The following EIF3G variants were observed in gnomAD, a reference collection of about 807,000 sequenced individuals.
EIF3G encodes eukaryotic translation initiation factor 3 subunit G, also known as eukaryotic translation initiation factor 3 RNA-binding subunit.
EIF3G carries 10 observed loss-of-function variants against 41.7 expected under a neutral mutation model. The ratio of observed to expected loss-of-function variants is 0.24; its 90% CI spans 0.15 to 0.41. The LOEUF (loss-of-function observed/expected upper bound fraction) is 0.41, where lower values mean the gene tolerates loss of function less well. EIF3G is among the 10% of genes least tolerant of loss of function. EIF3G has a pLI of 1.00. For synonymous variants in EIF3G, 204 were observed against 172.5 expected (o/e 1.18, Z -1.43); for missense variants, 297 against 444.0 (o/e 0.67, Z 2.98).
chr19:10,119,575 A>G (rs759361837), intron 2 of EIF3G, 79 bp downstream of exon 2: 1 of 1,507,072 alleles, frequency 6.6e-7, no homozygotes, highest in Non-Finnish European at 9.0e-7. Flanking sequence ...ACACGGTGCC[A>G]GACTGGGAGA....
Position 10,116,100 on chromosome 19 carries a change from C to T in EIF3G, c.596-26G>A. 6.2e-7 allele frequency: 1 copy of T among 1,607,282 alleles called. No individual in the cohort carries two copies. Among genetic ancestry groups the T allele is most frequent in the South Asian group, 1.1e-5 (1 of 90,390 alleles). ...CTGGGGACCAAAAGACAGTCAAGTTCAACCTCACTGTGGCGCAGGCGTGGG... is the reference window on the plus strand; with the variant it reads ...CTGGGGACCAAAAGACAGTCAAGTTTAACCTCACTGTGGCGCAGGCGTGGG... On this transcript the variant is annotated intron_variant, in intron 7 of 10. Coordinates refer to ENST00000253108, the MANE Select transcript of EIF3G (RefSeq NM_003755.5). The surrounding 1 kb of genome is among the most constrained non-coding windows in gnomAD (Gnocchi z 4.1).
chr19:10,115,353 G>C (rs768764504), intron 10 of EIF3G, 126 bp downstream of exon 10: 3 of 1,219,814 alleles, frequency 2.5e-6, no homozygotes, highest in African/African-American at 3.0e-5. Context: ...AAACAATAAA[G>C]GACTGTCCCC....
chr19:10,116,766 G>A lies in EIF3G; in HGVS notation c.595+34C>T, dbSNP rs745548190. 2.1e-5 allele frequency: 32 copies of A among 1,536,968 alleles called. No homozygotes were observed. In the East Asian group the frequency reaches 2.3e-4, roughly 11 times the overall value. ...GAAGGCAGCAGTGGGGACAGAACCC[G>A]TGCACTGACAGCAGGACCCTCCCAC... On this transcript the variant is annotated intron_variant, in intron 7 of 10. Transcript: ENST00000253108. The surrounding 1 kb of genome is among the most constrained non-coding windows in gnomAD (Gnocchi z 4.1).
At position 10,118,664 on chromosome 19, in the gene EIF3G, T is replaced by C; in HGVS notation, c.300+4A>G. The C allele has an allele frequency of 6.2e-7, 1 of 1,611,708 alleles. No homozygotes were observed. Among genetic ancestry groups the C allele is most frequent in the Non-Finnish European group, 8.5e-7 (1 of 1,178,926 alleles). On this transcript the variant is annotated splice_donor_region_variant and intron_variant, in intron 5 of 10. Transcript: ENST00000253108. ...AGGTTAGCCCTGGGGAAGAAGAGCC[T>C]CACCTTCCTCCTTGCGACAGCCTTT... is the stretch of plus-strand genomic sequence containing the variant.
intron 10 of EIF3G, 72 bp from the exon 11 acceptor site, chr19:10,115,201 C>T (rs2089219695): frequency 1.9e-6 from 3 of 1,584,864 alleles, no homozygotes; most frequent in Non-Finnish European, 2.6e-6. Flanking sequence ...CAAGTGGCAT[C>T]TTGGGGGTGG....
rs2089265497 is a variant in EIF3G, at chr19:10,117,160, A to C, written c.329T>G (p.Phe110Cys). 6.2e-7 allele frequency: 1 copy of C among 1,612,692 alleles called. No individual in the cohort carries two copies. The highest frequency in any genetic ancestry group is 1.1e-5 in the South Asian group (1 of 90,930). ...GGCCACATTGGGTCCGGGGGGGTCA[A>C]ACTCTGAGTTCCCGAACTTCTTCCA... is the stretch of plus-strand genomic sequence containing the variant. ...KNWKKFGNSE[F>C]DPPGPNVATT... is the part of the protein sequence containing the mutation. The change falls in exon 6 of 11, where the codon TTT becomes TGT. Residue 110 changes from phenylalanine (F) to cysteine (C), a missense_variant. This residue lies in a region of EIF3G where 147 missense variants were observed against 162.4 expected (regional missense o/e 0.91). Coordinates refer to ENST00000253108, the MANE Select transcript of EIF3G (RefSeq NM_003755.5).
Position 10,119,073 on chromosome 19 carries a change from G to A in EIF3G, c.151+15C>T. On this transcript the variant is annotated intron_variant, in intron 3 of 10. Coordinates refer to ENST00000253108, the MANE Select transcript of EIF3G (RefSeq NM_003755.5). ...AGTGGCAGTCCTCACTCACCTCCCG[G>A]CAGTCCTCACTCACCTCCCGGCAGT... 1 of 1,584,118 alleles carries A rather than the reference G, an allele frequency of 6.3e-7. No individual in the cohort carries two copies. The highest frequency in any genetic ancestry group is 8.6e-7 in the Non-Finnish European group (1 of 1,163,498).
chr19:10,117,508 G>A (rs932681290), intron 5 of EIF3G: 12 of 288,136 alleles, frequency 4.2e-5, no homozygotes, highest in African/African-American at 1.1e-4. Flanking sequence ...CTAGACCTCC[G>A]GGCCCTTGAG....
At position 10,118,859 on chromosome 19, in the gene EIF3G, CA is replaced by C. The variant is rs1351892409; in HGVS notation, c.240+8del. The C allele has an allele frequency of 1.2e-6, 2 of 1,613,664 alleles. No homozygotes were observed. The highest frequency in any genetic ancestry group is 4.5e-5 in the East Asian group (2 of 44,878). ...AAGGGTCCCCACTCCCTGCACCCCCCACCCTCACCTTGAACTTCTTGCCATC... is the reference window on the plus strand; with the variant it reads ...AAGGGTCCCCACTCCCTGCACCCCCCCCCTCACCTTGAACTTCTTGCCATC... On this transcript the variant is annotated splice_region_variant and intron_variant, in intron 4 of 10. Coordinates refer to ENST00000253108, the MANE Select transcript of EIF3G (RefSeq NM_003755.5).
intron 10 of EIF3G, 154 bp from the exon 11 acceptor site, chr19:10,115,283 C>T (rs2089221969): frequency 8.6e-7 from 1 of 1,159,158 alleles, no homozygotes; most frequent in African/African-American, 1.5e-5. Flanking sequence ...AGGCCTGGTC[C>T]ACGGACTGGC....
At position 10,116,285 on chromosome 19, in the gene EIF3G, A is replaced by G; in HGVS notation, c.596-211T>C. 1 of 602,544 alleles carries G rather than the reference A, an allele frequency of 1.7e-6. No homozygotes were observed. The highest frequency in any genetic ancestry group is 2.9e-6 in the Non-Finnish European group (1 of 340,300). 37.3% of individuals were successfully genotyped at this position (602,544 alleles called of 1,614,324 possible). On this transcript the variant is annotated intron_variant, in intron 7 of 10. Coordinates refer to ENST00000253108, the MANE Select transcript of EIF3G (RefSeq NM_003755.5). The surrounding 1 kb of genome is among the most constrained non-coding windows in gnomAD (Gnocchi z 4.1). The stretch of plus-strand genomic sequence containing the variant: ...CCAGCGACACTGGTGGAGGAGGAGG[A>G]GGAGGAGCCCCGACCCCACCCCAGA...
intron 5 of EIF3G, chr19:10,117,545 C>T: frequency 4.1e-6 from 1 of 245,408 alleles, no homozygotes; most frequent in Non-Finnish European, 7.8e-6. Context: ...TCAGCTTCCT[C>T]CCTTATAAAA....
chr19:10,119,509 G>T, intron 2 of EIF3G, 145 bp downstream of exon 2: 1 of 1,064,262 alleles, frequency 9.4e-7, no homozygotes, highest in East Asian at 2.6e-5. Flanking sequence ...CCTGGAGTTG[G>T]CAACAGGCGG....
chr19:10,115,389 A>C, intron 10 of EIF3G, 90 bp downstream of exon 10: 9 of 1,421,370 alleles, frequency 6.3e-6, no homozygotes, highest in Non-Finnish European at 7.7e-6. Context: ...GGACTGTTAA[A>C]TTGGCTCAGG....
In EIF3G at chr19:10,116,462, A is replaced by G. The variant is rs1396020121; in HGVS notation, c.595+338T>C. Reference sequence around the variant, plus strand: ...CACTCGCCACCAGCAAATCCCACCAAAGAATTCGGACGGTACAGCCACAGG... The same window carrying G: ...CACTCGCCACCAGCAAATCCCACCAGAGAATTCGGACGGTACAGCCACAGG... On this transcript the variant is annotated intron_variant, in intron 7 of 10. Coordinates refer to ENST00000253108, the MANE Select transcript of EIF3G (RefSeq NM_003755.5). The surrounding 1 kb of genome is among the most constrained non-coding windows in gnomAD (Gnocchi z 4.1). The G allele has an allele frequency of 1.1e-5, 5 of 473,210 alleles. No individual in the cohort carries two copies. The highest frequency in any genetic ancestry group is 1.9e-5 in the Non-Finnish European group (5 of 262,502). The allele number at this position is 473,210 out of a possible 1,614,324, so 29.3% of individuals were successfully genotyped here.
rs144308529 is a variant in EIF3G at position 10,115,765 on chromosome 19, G to C, written c.759C>G (p.Thr253=). 1 of 1,614,108 alleles carries C rather than the reference G, an allele frequency of 6.2e-7. No homozygotes were observed. The highest frequency in any genetic ancestry group is 8.5e-7 in the Non-Finnish European group (1 of 1,180,032). The part of the protein sequence containing the change: ...VTNLSEDTRE[T]DLQELFRPFG... Reference sequence around the variant, plus strand: ...AAGGCCGGAAGAGCTCCTGCAGGTCGGTCTCACGCGTGTCCTCTGACAAGT... The same window carrying C: ...AAGGCCGGAAGAGCTCCTGCAGGTCCGTCTCACGCGTGTCCTCTGACAAGT... Residue 253 remains threonine, a synonymous_variant, in exon 9 of 11, where the codon ACC becomes ACG. Coordinates refer to ENST00000253108, the MANE Select transcript of EIF3G (RefSeq NM_003755.5).
intron 2 of EIF3G, chr19:10,119,417 G>A (rs930129471): frequency 4.0e-6 from 3 of 747,982 alleles, no homozygotes; most frequent in African/African-American, 3.4e-5. Context: ...AGAAACAGGA[G>A]ACGGGAGATT....
At position 10,116,997 on chromosome 19, in the gene EIF3G, G is replaced by A. The variant is rs1045318368; in HGVS notation, c.406-8C>T. 4 of 1,606,646 alleles carry A rather than the reference G, an allele frequency of 2.5e-6. No individual in the cohort carries two copies. Among genetic ancestry groups the A allele is most frequent in the Non-Finnish European group, 3.4e-6 (4 of 1,175,058 alleles). On this transcript the variant is annotated splice_region_variant and splice_polypyrimidine_tract_variant and intron_variant, in intron 6 of 10. Transcript: ENST00000253108. This position sits in a 1 kb window ranked among gnomAD's most constrained non-coding sequence, Gnocchi z 4.1. ...CTCCTGGCAGTTCAGGTCCTGGCAG[G>A]GGCGGGTTGGGGGGAGCTCAGAGGC... is the stretch of plus-strand genomic sequence containing the variant.
chr19:10,117,252 G>A (rs770308535), intron 5 of EIF3G, 64 bp from the exon 6 acceptor site: 22 of 1,258,506 alleles, frequency 1.7e-5, no homozygotes, highest in Non-Finnish European at 2.3e-5. Flanking sequence ...ACAGTGGGGT[G>A]CCCTAGACCT....
Sources: gnomAD v4.1 joint callset for allele counts on GRCh38, gnomAD v4.1.1 for gene constraint, gnomAD v4.1.1 regional missense constraint, Gnocchi (gnomAD v3.1) non-coding constraint, MANE v1.5 for transcripts, NCBI Gene and HGNC (gene_info 2026-07-23, HGNC 2026-07-21) for gene names.